The following CCDC57 variants were observed in gnomAD, a reference collection of about 807,000 sequenced individuals.
CCDC57 encodes coiled-coil domain-containing protein 57.
Under a neutral mutation model 118.9 loss-of-function variants are expected in CCDC57, and 118 were observed. The ratio of observed to expected loss-of-function variants is 0.99; its 90% CI spans 0.86 to 1.16. CCDC57 has a LOEUF of 1.16. Among genes scored for constraint, CCDC57 ranks in the 50% most tolerant of loss-of-function variants. The probability of loss-of-function intolerance (pLI) is 0.00; values close to 1 mark genes in which losing one functional copy is unlikely to be tolerated. For missense variants in CCDC57, 1,300 were observed against 1,320.7 expected, an observed-to-expected ratio of 0.98 and a Z score of 0.24; for synonymous variants, 527 against 532.9, an observed-to-expected ratio of 0.99 and a Z score of 0.15.
intron 8 of CCDC57, among the ~76,000 whole-genome samples, chr17:82,185,805 C>G (rs913133303): frequency 5.9e-5 from 9 of 152,034 alleles, no homozygotes; most frequent in African/African-American, 1.9e-4. Context: ...CACTTAAGTC[C>G]AGGAGTTTGA....
chr17:82,170,369 G>A (rs552310396), intron 13 of CCDC57, among the ~76,000 whole-genome samples: 99 of 152,084 alleles, frequency 6.5e-4, no homozygotes, highest in Middle Eastern at 3.4e-3. Context: ...TTAGCCGGGC[G>A]TGGTGGCATG....
At position 82,178,658 on chromosome 17, in the gene CCDC57, T is replaced by C. The variant is rs2045822270; in HGVS notation, c.1375-53A>G. 6.9e-6 allele frequency: 11 copies of C among 1,591,476 alleles called. No individual in the cohort carries two copies. In the South Asian group the frequency reaches 1.1e-4, roughly 16 times the overall value. Reference sequence around the variant, plus strand: ...TGTGTGGATGACCGGGCAGCTCCCATGCCTGCTGAGGCTCCAATGGCACAC... The same window carrying C: ...TGTGTGGATGACCGGGCAGCTCCCACGCCTGCTGAGGCTCCAATGGCACAC... On this transcript the variant is annotated intron_variant, in intron 10 of 19. Coordinates refer to ENST00000665763, the Ensembl canonical transcript of CCDC57.
At chr17:82,143,654 T>C (rs558856994) in intron 16 of CCDC57, among the ~76,000 whole-genome samples, 1 of 151,932 alleles carries the variant, frequency 6.6e-6, no homozygotes, top group Non-Finnish European at 1.5e-5. Flanking sequence ...TTTTAAAGAA[T>C]AGAAAAACAA....
intron 9 of CCDC57, among the ~76,000 whole-genome samples, chr17:82,179,598 G>A (rs1471497510): frequency 6.6e-6 from 1 of 151,976 alleles, no homozygotes; most frequent in Non-Finnish European, 1.5e-5. Flanking sequence ...CCCAGAGCAA[G>A]TGCAGAGCAG....
At chr17:82,107,348 C>T (rs1398137455) in intron 19 of CCDC57, 7 of 445,596 alleles carry the variant, frequency 1.6e-5, no homozygotes, top group South Asian at 3.2e-5. Flanking sequence ...GCTTGGCACC[C>T]GGGTGGGGCA....
At chr17:82,138,597 T>C (rs2039584954) in intron 16 of CCDC57, among the ~76,000 whole-genome samples, 1 of 149,134 alleles carries the variant, frequency 6.7e-6, no homozygotes, top group South Asian at 2.1e-4. Flanking sequence ...GTTTCTTTGA[T>C]GTGTTAGGAT....
intron 19 of CCDC57, among the ~76,000 whole-genome samples, chr17:82,108,552 G>C (rs1447430268): frequency 1.3e-5 from 2 of 152,176 alleles, no homozygotes; most frequent in Non-Finnish European, 2.9e-5. Flanking sequence ...GGTAGTGCAT[G>C]TGACGGTGTC....
rs550198063 is a variant in CCDC57 at position 82,203,119 on chromosome 17, G to A, written c.-8-1167C>T. On this transcript the variant is annotated intron_variant, in intron 2 of 19. Transcript: ENST00000665763. ...GGCGGACCCCTCGTGGCTTGGTGCC[G>A]TCTTTGTGACAGTGAGTTCTGGGGA... is the stretch of plus-strand genomic sequence containing the variant. 4.1e-3 allele frequency among the ~76,000 whole-genome samples: 623 copies of A among 152,332 alleles called. 4 individuals carry two copies. The highest frequency in any genetic ancestry group is 0.017 in the South Asian group (83 of 4,828).
At chr17:82,123,477 T>A (rs2037015395) in intron 19 of CCDC57, among the ~76,000 whole-genome samples, 1 of 151,796 alleles carries the variant, frequency 6.6e-6, no homozygotes, top group Admixed American at 6.6e-5. Flanking sequence ...AAATACAACA[T>A]GAGGGGTTAT....
chr17:82,166,600 G>C (rs1205070292), intron 13 of CCDC57, among the ~76,000 whole-genome samples: 1 of 152,034 alleles, frequency 6.6e-6, no homozygotes, highest in African/African-American at 2.4e-5. Flanking sequence ...GAAAGTTCCA[G>C]TAAAGTAAGA....
intron 10 of CCDC57, 113 bp downstream of exon 9, chr17:82,178,914 G>T: frequency 8.4e-7 from 1 of 1,183,436 alleles, no homozygotes. Context: ...TACTCAGTGA[G>T]GTTTAGTGTT....
chr17:82,182,412 A>T, intron 9 of CCDC57, among the ~76,000 whole-genome samples: 1 of 149,884 alleles, frequency 6.7e-6, no homozygotes, highest in East Asian at 2.0e-4. Context: ...GAAGTGCAGT[A>T]GCACCATCTC....
intron 14 of CCDC57, 81 bp downstream of exon 13, chr17:82,163,119 C>G (rs537610976): frequency 6.5e-7 from 1 of 1,542,210 alleles, no homozygotes; most frequent in African/African-American, 1.4e-5. Flanking sequence ...GGGGTCGCAC[C>G]GGGCAGCCGC....
At chr17:82,207,320 G>A (rs924709413) in intron 2 of CCDC57, among the ~76,000 whole-genome samples, 1 of 151,210 alleles carries the variant, frequency 6.6e-6, no homozygotes, top group African/African-American at 2.4e-5. Context: ...GTGACAGAGT[G>A]AGACCCTGTC....
intron 16 of CCDC57, among the ~76,000 whole-genome samples, chr17:82,145,021 T>C (rs971598479): frequency 3.8e-5 from 4 of 104,962 alleles, no homozygotes; most frequent in African/African-American, 1.2e-4. Flanking sequence ...TTTCTTTTTT[T>C]TTTTCTTTTT....
intron 16 of CCDC57, among the ~76,000 whole-genome samples, chr17:82,146,769 T>C (rs1461201224): frequency 6.6e-6 from 1 of 152,116 alleles, no homozygotes; most frequent in Non-Finnish European, 1.5e-5. Context: ...GTGCACACAG[T>C]CTCACATACA....
At chr17:82,158,829 A>T (rs2042982953) in intron 14 of CCDC57, among the ~76,000 whole-genome samples, 1 of 151,198 alleles carries the variant, frequency 6.6e-6, no homozygotes, top group Non-Finnish European at 1.5e-5. Context: ...AAGTGTTGGG[A>T]TTACACGTGT....
At chr17:82,203,823 C>T (rs1454479989) in intron 2 of CCDC57, among the ~76,000 whole-genome samples, 6 of 152,152 alleles carry the variant, frequency 3.9e-5, no homozygotes, top group African/African-American at 4.8e-5. Context: ...GGGACATGGC[C>T]GGGGTGCTGC....
chr17:82,132,109 A>AAGTTTTTGGGTT (rs2038462136), intron 17 of CCDC57, among the ~76,000 whole-genome samples: 1 of 132,874 alleles, frequency 7.5e-6, no homozygotes, highest in African/African-American at 2.9e-5. Flanking sequence ...ACAGAGCGAG[A>AAGTTTTTGGGTT]CTCTGTCTCA....
Sources: gnomAD v4.1 joint callset for allele counts (sites outside exome capture counted in the v4.1 genomes callset) on GRCh38, gnomAD v4.1.1 for gene constraint, MANE v1.5 for transcripts, NCBI Gene and HGNC (gene_info 2026-07-23, HGNC 2026-07-21) for gene names.